DNM3: variants seen among roughly 807,000 people sequenced by gnomAD.
DNM3 encodes dynamin 3.
DNM3 carries 47 observed loss-of-function variants against 101.6 expected under a neutral mutation model. The ratio of observed to expected loss-of-function variants is 0.46; its 90% CI spans 0.37 to 0.59. DNM3 has a LOEUF of 0.59. Ranked by LOEUF, DNM3 falls within the 20% of genes least tolerant of loss-of-function variation. DNM3 has a pLI of 0.00. For synonymous variants in DNM3, 385 were observed against 387.9 expected, an observed-to-expected ratio of 0.99 and a Z score of 0.09; for missense variants, 849 against 1,085.7, an observed-to-expected ratio of 0.78 and a Z score of 3.06.
chr1:172,129,897 C>T (rs1250639600), intron 13 of DNM3, among the ~76,000 whole-genome samples: 3 of 152,006 alleles, frequency 2.0e-5, no homozygotes, highest in Non-Finnish European at 4.4e-5. Context: ...AGTGCATTAG[C>T]CCAGACTGGA....
intron 6 of DNM3, among the ~76,000 whole-genome samples, chr1:172,034,483 TG>T (rs2048824667): frequency 6.6e-6 from 1 of 151,974 alleles, no homozygotes; most frequent in African/African-American, 2.4e-5. Flanking sequence ...AAGCTGGAAA[TG>T]AGTTAGGTTT....
intron 14 of DNM3, among the ~76,000 whole-genome samples, chr1:172,242,882 G>T (rs900737043): frequency 6.6e-6 from 1 of 152,158 alleles, no homozygotes; most frequent in Non-Finnish European, 1.5e-5. Context: ...CTTTCCCCCT[G>T]TAGGTATTTG....
chr1:171,874,679 T>C (rs1571355844), intron 1 of DNM3, among the ~76,000 whole-genome samples: 1 of 152,188 alleles, frequency 6.6e-6, no homozygotes, highest in East Asian at 1.9e-4. Context: ...ACTTTTATTT[T>C]AGATCAGGGG....
chr1:172,079,979 G>C (rs1403781182), intron 11 of DNM3, among the ~76,000 whole-genome samples: 1 of 152,202 alleles, frequency 6.6e-6, no homozygotes, highest in Non-Finnish European at 1.5e-5. Context: ...ATTGCTGCCT[G>C]TTCCTTCCTC....
intron 13 of DNM3, among the ~76,000 whole-genome samples, chr1:172,130,686 GCTAA>G (rs1235722253): frequency 6.6e-6 from 1 of 152,002 alleles, no homozygotes. Flanking sequence ...CTAACAAGGG[GCTAA>G]CTGATTGAAT....
At chr1:172,374,055 G>A (rs748166955) in intron 17 of DNM3, among the ~76,000 whole-genome samples, 3 of 152,022 alleles carry the variant, frequency 2.0e-5, no homozygotes, top group East Asian at 1.9e-4. Flanking sequence ...GGACATGTAC[G>A]TGTTGTCTGT....
At chr1:171,979,861 G>A (rs1294582139) in intron 2 of DNM3, among the ~76,000 whole-genome samples, 1 of 152,168 alleles carries the variant, frequency 6.6e-6, no homozygotes, top group African/African-American at 2.4e-5. Flanking sequence ...AAACAGCTCT[G>A]CCTTCCATTC....
intron 14 of DNM3, among the ~76,000 whole-genome samples, chr1:172,181,803 GT>G (rs71688883): frequency 0.26 from 35,849 of 137,894 alleles, 4,616 homozygotes; most frequent in Middle Eastern, 0.36. Flanking sequence ...TGAAGACAGG[GT>G]TTTTTTTTTT....
intron 2 of DNM3, among the ~76,000 whole-genome samples, chr1:171,946,541 G>C (rs115891674): frequency 6.6e-6 from 1 of 152,146 alleles, no homozygotes; most frequent in African/African-American, 2.4e-5. Flanking sequence ...TTCTTTCTCT[G>C]CTTATTTGCT....
intron 14 of DNM3, among the ~76,000 whole-genome samples, chr1:172,168,795 C>T (rs1320023634): frequency 1.3e-5 from 2 of 151,906 alleles, no homozygotes; most frequent in Non-Finnish European, 2.9e-5. Context: ...GAGTCCTGCT[C>T]TGATGAGAAC....
At position 172,408,295 on chromosome 1, in the gene DNM3, C is replaced by G; in HGVS notation, c.*454C>G. On this transcript the variant is annotated 3_prime_UTR_variant, in exon 21 of 21. Coordinates refer to ENST00000627582, the MANE Select transcript of DNM3 (RefSeq NM_015569.5). The stretch of plus-strand genomic sequence containing the variant: ...TGTTGTCTACCATTAATGCTACTAC[C>G]TACTCCATAATTGCCTATTTAGCTC... 1.0e-6 allele frequency: 1 copy of G among 987,876 alleles called. No homozygotes were observed. 61.2% of individuals were successfully genotyped at this position (987,876 alleles called of 1,614,324 possible).
downstream of DNM3, among the ~76,000 whole-genome samples, chr1:172,417,616 C>T (rs1378502826): frequency 6.6e-6 from 1 of 152,170 alleles, no homozygotes; most frequent in South Asian, 2.1e-4. Context: ...CTGGGGTTGC[C>T]ATGGACCAGA....
intron 2 of DNM3, among the ~76,000 whole-genome samples, chr1:171,944,932 C>T (rs1394423337): frequency 4.6e-5 from 6 of 129,180 alleles, no homozygotes; most frequent in African/African-American, 1.5e-4. Context: ...GGCAAAATCA[C>T]GTCTCACTGA....
chr1:172,257,791 G>T (rs1421760134), intron 15 of DNM3, among the ~76,000 whole-genome samples: 2 of 151,334 alleles, frequency 1.3e-5, no homozygotes, highest in Non-Finnish European at 2.9e-5. Flanking sequence ...CTCTAGTATT[G>T]AACATTAGAA....
At chr1:172,415,772 C>T (rs9425605), downstream of DNM3, among the ~76,000 whole-genome samples, 13,550 of 151,946 alleles carry the variant, frequency 0.089, 778 homozygotes, top group East Asian at 0.21. Context: ...TCAAGTGATC[C>T]GCCCACCTCA....
chr1:172,350,960 T>C (rs1573566662), intron 17 of DNM3, among the ~76,000 whole-genome samples: 1 of 152,224 alleles, frequency 6.6e-6, no homozygotes. Context: ...TCTTCCTTTC[T>C]ATGGCTGAAA....
intron 14 of DNM3, among the ~76,000 whole-genome samples, chr1:172,154,127 G>T (rs1038415100): frequency 1.3e-5 from 2 of 151,950 alleles, no homozygotes; most frequent in Admixed American, 1.3e-4. Flanking sequence ...GAGGTCCAGG[G>T]CCATGCCTGT....
Position 172,193,285 on chromosome 1 carries a change from C to A in DNM3, c.1660-60288C>A, listed in dbSNP as rs537929325. 2.4e-4 allele frequency among the ~76,000 whole-genome samples: 37 copies of A among 152,208 alleles called. No homozygotes were observed. In the South Asian group the frequency reaches 7.7e-3, roughly 32 times the overall value. On this transcript the variant is annotated intron_variant, in intron 14 of 20. Coordinates refer to ENST00000627582, the MANE Select transcript of DNM3 (RefSeq NM_015569.5). ...GCCAGTATTTCATTGATGATTTTTG[C>A]ATCGATGTTCATCAGGGATATTGGT...
Position 172,409,462 on chromosome 1 carries a change from T to C in DNM3, c.*1621T>C. On this transcript the variant is annotated 3_prime_UTR_variant, in exon 21 of 21. Transcript: ENST00000627582. ...TATTCTAAAGGCTTATGCTAACCCA[T>C]TTATAATTGGTAAAAATCAGAAAAT... 4 of 984,252 alleles carry C rather than the reference T, an allele frequency of 4.1e-6. No individual in the cohort carries two copies. Among genetic ancestry groups the C allele is most frequent in the Non-Finnish European group, 4.8e-6 (4 of 828,912 alleles). The allele number at this position is 984,252 out of a possible 1,614,324, so 61.0% of individuals were successfully genotyped here. A position where few individuals can be genotyped will look rare whatever the true frequency, so the allele number is the denominator to read the frequency against.
Sources: gnomAD v4.1 joint callset for allele counts (sites outside exome capture counted in the v4.1 genomes callset) on GRCh38, gnomAD v4.1.1 for gene constraint, MANE v1.5 for transcripts, NCBI Gene and HGNC (gene_info 2026-07-23, HGNC 2026-07-21) for gene names.